Variants in RIMS3 observed in about 807,000 individuals in gnomAD.
RIMS3 encodes the protein regulating synaptic membrane exocytosis 3.
RIMS3 carries 15 observed loss-of-function variants against 29.2 expected under a neutral mutation model. The observed-to-expected ratio is 0.51, with a 90% CI of 0.34 to 0.79. The LOEUF is 0.79. Among genes scored for constraint, RIMS3 ranks in the 30% least tolerant of loss-of-function variants. The pLI, the probability that RIMS3 is intolerant of heterozygous loss-of-function variation, is 0.01. For missense variants in RIMS3, 342 were observed against 421.4 expected, an observed-to-expected ratio of 0.81 and a Z score of 1.65; for synonymous variants, 161 against 170.1, an observed-to-expected ratio of 0.95 and a Z score of 0.41.
intron 1 of RIMS3, among the ~76,000 whole-genome samples, chr1:40,661,563 GC>G (rs1642352121): frequency 6.6e-6 from 1 of 152,138 alleles, no homozygotes; most frequent in Non-Finnish European, 1.5e-5. Context: ...CTTGAAACCA[GC>G]CCTGCTCCCA....
Position 40,633,185 on chromosome 1 carries a change from CAGG to C in RIMS3, c.360-7_360-5del. On this transcript the variant is annotated splice_region_variant and splice_polypyrimidine_tract_variant and intron_variant, in intron 4 of 7. Transcript: ENST00000372684. ...CCGGGTAGTGGGGAAGATGAACCTG[CAGG>C]AGGAGGCAGAGGGACGCGTGAGGGG... The C allele has an allele frequency of 1.9e-6, 3 of 1,612,336 alleles. No homozygotes were observed. In the South Asian group the frequency reaches 3.3e-5, roughly 18 times the overall value.
chr1:40,658,991 C>T (rs986408386), intron 1 of RIMS3, among the ~76,000 whole-genome samples: 6 of 152,166 alleles, frequency 3.9e-5, no homozygotes, highest in African/African-American at 9.7e-5. Context: ...GTGCCTACGT[C>T]GGAGAAGCCC....
the RIMS3 span, among the ~76,000 whole-genome samples, chr1:40,683,005 A>G: frequency 2.0e-5 from 3 of 151,956 alleles, no homozygotes; most frequent in Non-Finnish European, 4.4e-5. Context: ...TCCCAAAGGC[A>G]TGAGTCACTG....
At position 40,636,096 on chromosome 1, in the gene RIMS3, G is replaced by A; in HGVS notation, c.218-39C>T. 1 of 1,599,720 alleles carries A rather than the reference G, an allele frequency of 6.3e-7. No homozygotes were observed. Among genetic ancestry groups the A allele is most frequent in the Non-Finnish European group, 8.5e-7 (1 of 1,179,096 alleles). ...AACCCCAAGCACAGAGAGGGAACAA[G>A]GTCAGATTATGAATGGGGCTTCTCT... On this transcript the variant is annotated intron_variant, in intron 3 of 7. Transcript: ENST00000372684. This position sits in a 1 kb window ranked among gnomAD's most constrained non-coding sequence, Gnocchi z 4.2.
chr1:40,634,941 C>CA (rs111853416), intron 4 of RIMS3, among the ~76,000 whole-genome samples: 14,536 of 92,888 alleles, frequency 0.16, 917 homozygotes, highest in Non-Finnish European at 0.21. Flanking sequence ...AACTCCATCA[C>CA]AAAAAAAAAA....
At chr1:40,643,470 C>A (rs1646573554) in intron 2 of RIMS3, among the ~76,000 whole-genome samples, 1 of 131,686 alleles carries the variant, frequency 7.6e-6, no homozygotes, top group South Asian at 2.3e-4. Context: ...CAATAAACAT[C>A]TTTCTCTCTT....
At chr1:40,670,123 A>AC (rs1254528911), upstream of RIMS3, among the ~76,000 whole-genome samples, 3 of 152,150 alleles carry the variant, frequency 2.0e-5, no homozygotes, top group Non-Finnish European at 4.4e-5. Context: ...AACAAATCTG[A>AC]CCACATCCCC....
At chr1:40,656,601 T>A (rs980055019) in intron 1 of RIMS3, among the ~76,000 whole-genome samples, 2 of 151,990 alleles carry the variant, frequency 1.3e-5, no homozygotes, top group African/African-American at 4.8e-5. Context: ...CTGACCAACA[T>A]GGAGAAACTC....
At chr1:40,656,044 C>T (rs1468556103) in intron 1 of RIMS3, among the ~76,000 whole-genome samples, 1 of 151,938 alleles carries the variant, frequency 6.6e-6, no homozygotes, top group Non-Finnish European at 1.5e-5. Flanking sequence ...AATCTACAGA[C>T]TCTTGTACTG....
At chr1:40,691,737 C>T in the RIMS3 span, 10 of 455,464 alleles carry the variant, frequency 2.2e-5, no homozygotes, top group African/African-American at 1.4e-4. Context: ...GCTTGTGCCC[C>T]CGCTTCGCGC....
chr1:40,680,330 GTTT>G, the RIMS3 span, among the ~76,000 whole-genome samples: 1 of 127,160 alleles, frequency 7.9e-6, no homozygotes, highest in Non-Finnish European at 1.6e-5. Context: ...AGAGTAAATA[GTTT>G]TTTTTTTTTT....
At chr1:40,675,354 G>A in the RIMS3 span, among the ~76,000 whole-genome samples, 1 of 152,122 alleles carries the variant, frequency 6.6e-6, no homozygotes, top group South Asian at 2.1e-4. Context: ...AGGTATGGTG[G>A]CTCATGCCTG....
chr1:40,643,998 C>T (rs1646578173), intron 2 of RIMS3, among the ~76,000 whole-genome samples: 1 of 151,944 alleles, frequency 6.6e-6, no homozygotes, highest in Non-Finnish European at 1.5e-5. Flanking sequence ...GAATGGCATT[C>T]ACCTTAGCAA....
At chr1:40,655,413 C>T (rs1642261367) in intron 1 of RIMS3, among the ~76,000 whole-genome samples, 1 of 152,184 alleles carries the variant, frequency 6.6e-6, no homozygotes, top group Admixed American at 6.5e-5. Context: ...CACATCCAGA[C>T]ACCTTATCTC....
Position 40,654,772 on chromosome 1 carries a change from C to T in RIMS3, c.-206-6930G>A, listed in dbSNP as rs1642249680. On this transcript the variant is annotated intron_variant, in intron 1 of 7. Coordinates refer to ENST00000372684, the MANE Select transcript of RIMS3 (RefSeq NM_014747.3). The surrounding 1 kb of genome is among the most constrained non-coding windows in gnomAD (Gnocchi z 5.3). The stretch of plus-strand genomic sequence containing the variant: ...CACACACAGTGCACACACAATATGC[C>T]CTCAGAGACCCTCAGACATATCTGT... Among the ~76,000 whole-genome samples, 1 of 152,034 alleles carries T rather than the reference C, an allele frequency of 6.6e-6. No homozygotes were observed. Among genetic ancestry groups the T allele is most frequent in the African/African-American group, 2.4e-5 (1 of 41,368 alleles).
chr1:40,674,778 G>A, the RIMS3 span, among the ~76,000 whole-genome samples: 2 of 152,140 alleles, frequency 1.3e-5, no homozygotes, highest in African/African-American at 4.8e-5. Flanking sequence ...CAGCAAGAAG[G>A]CCCTTGCCAG....
chr1:40,684,052 G>T, the RIMS3 span, among the ~76,000 whole-genome samples: 1 of 152,310 alleles, frequency 6.6e-6, no homozygotes, highest in South Asian at 2.1e-4. Context: ...TTTGGCCAAA[G>T]CTAGCTCTAA....
At chr1:40,633,464 A>G (rs765225146) in intron 4 of RIMS3, among the ~76,000 whole-genome samples, 15 of 152,366 alleles carry the variant, frequency 9.8e-5, no homozygotes, top group Non-Finnish European at 1.6e-4. Flanking sequence ...TTCTGAAGTG[A>G]CCCTTACAAG....
intron 5 of RIMS3, among the ~76,000 whole-genome samples, chr1:40,631,139 CAG>C (rs2148344833): frequency 6.6e-6 from 1 of 152,192 alleles, no homozygotes; most frequent in African/African-American, 2.4e-5. Flanking sequence ...CTGCTCAGGT[CAG>C]ACTGATGGGA....
Sources: gnomAD v4.1 joint callset for allele counts (sites outside exome capture counted in the v4.1 genomes callset) on GRCh38, gnomAD v4.1.1 for gene constraint, Gnocchi (gnomAD v3.1) non-coding constraint, MANE v1.5 for transcripts, NCBI Gene and HGNC (gene_info 2026-07-23, HGNC 2026-07-21) for gene names.